Variants in THRB observed in about 807,000 individuals in gnomAD.
THRB encodes the protein nuclear receptor subfamily 1 group A member 2.
In THRB, 12 loss-of-function variants were observed where a neutral mutation model predicts 47.8. The ratio of observed to expected loss-of-function variants is 0.25; its 90% CI spans 0.16 to 0.41. The LOEUF is 0.41. Among genes scored for constraint, THRB ranks in the 10% least tolerant of loss-of-function variants. THRB has a pLI of 1.00. For missense variants in THRB, 348 were observed against 589.2 expected, an observed-to-expected ratio of 0.59 and a Z score of 4.24; for synonymous variants, 218 against 212.2, an observed-to-expected ratio of 1.03 and a Z score of -0.24.
At chr3:24,272,748 C>G (rs1576452177) in intron 3 of THRB, among the ~76,000 whole-genome samples, 1 of 152,120 alleles carries the variant, frequency 6.6e-6, no homozygotes, top group Non-Finnish European at 1.5e-5. Context: ...GCTGTAGTCA[C>G]TTTTGTTGTG....
intron 5 of THRB, among the ~76,000 whole-genome samples, chr3:24,174,677 T>C (rs575393763): frequency 6.6e-6 from 1 of 152,358 alleles, no homozygotes; most frequent in Admixed American, 6.5e-5. Flanking sequence ...TGCTGGCCAT[T>C]TGCAGTTTTG....
At chr3:24,124,151 C>T (rs149405012) in intron 10 of THRB, among the ~76,000 whole-genome samples, 362 of 152,260 alleles carry the variant, frequency 2.4e-3, no homozygotes, top group African/African-American at 7.4e-3. Context: ...CAATAGGAAT[C>T]GAAACAGGGT....
intron 1 of THRB, among the ~76,000 whole-genome samples, chr3:24,441,481 T>C (rs2071518246): frequency 6.6e-6 from 1 of 152,186 alleles, no homozygotes; most frequent in Non-Finnish European, 1.5e-5. Context: ...CTGAAAGCAA[T>C]GGAGGCACAT....
intron 1 of THRB, among the ~76,000 whole-genome samples, chr3:24,439,411 C>T (rs1027038190): frequency 2.0e-5 from 3 of 152,128 alleles, no homozygotes; most frequent in Non-Finnish European, 2.9e-5. Context: ...CGCCCTCTCA[C>T]GAGAACTATG....
intron 1 of THRB, chr3:24,486,321 A>G (rs1398039533): frequency 1.3e-5 from 2 of 152,232 alleles, no homozygotes; most frequent in Admixed American, 6.5e-5. Flanking sequence ...CCTCCTGTAG[A>G]TTGCCCCAGA....
At chr3:24,249,726 T>C (rs1317559550) in intron 3 of THRB, among the ~76,000 whole-genome samples, 2 of 147,660 alleles carry the variant, frequency 1.4e-5, no homozygotes, top group Non-Finnish European at 2.9e-5. Context: ...TGAAAGAATA[T>C]AGAACTCAAC....
intron 1 of THRB, among the ~76,000 whole-genome samples, chr3:24,453,994 G>A (rs762474612): frequency 6.6e-5 from 10 of 151,968 alleles, no homozygotes; most frequent in Admixed American, 1.3e-4. Context: ...CTTAGCACCC[G>A]CTCTCTACTT....
At chr3:24,457,133 C>T (rs532661864) in intron 1 of THRB, among the ~76,000 whole-genome samples, 3 of 152,188 alleles carry the variant, frequency 2.0e-5, no homozygotes, top group East Asian at 1.9e-4. Context: ...AGATTTCACA[C>T]AAAAATGAAG....
chr3:24,236,301 G>C (rs1298444304), intron 3 of THRB, among the ~76,000 whole-genome samples: 1 of 152,142 alleles, frequency 6.6e-6, no homozygotes, highest in Non-Finnish European at 1.5e-5. Flanking sequence ...GGGGATCATG[G>C]ACAAGTTCCT....
At chr3:24,138,596 T>A (rs2035009134) in intron 8 of THRB, among the ~76,000 whole-genome samples, 1 of 152,206 alleles carries the variant, frequency 6.6e-6, no homozygotes, top group Non-Finnish European at 1.5e-5. Context: ...ACCTTGGCTG[T>A]CTGGTTCCAA....
intron 1 of THRB, among the ~76,000 whole-genome samples, chr3:24,394,929 G>C (rs1271921416): frequency 6.6e-6 from 1 of 152,100 alleles, no homozygotes; most frequent in East Asian, 1.9e-4. Flanking sequence ...CCAGTGTATA[G>C]ACACTCTGGC....
intron 4 of THRB, among the ~76,000 whole-genome samples, chr3:24,210,602 C>G (rs1312828954): frequency 1.3e-5 from 2 of 152,172 alleles, no homozygotes; most frequent in African/African-American, 2.4e-5. Flanking sequence ...AGTGCTGAGA[C>G]TGAGAAACTG....
intron 4 of THRB, among the ~76,000 whole-genome samples, chr3:24,224,487 C>T (rs2047459583): frequency 6.6e-6 from 1 of 152,034 alleles, no homozygotes; most frequent in Non-Finnish European, 1.5e-5. Context: ...AGCCATTCTA[C>T]GTAGGTTGTA....
chr3:24,494,351 A>C (rs1698684824), intron 1 of THRB: 1 of 152,276 alleles, frequency 6.6e-6, no homozygotes, highest in African/African-American at 2.4e-5. Flanking sequence ...TGAGGAACAG[A>C]GCCGCTGCGA....
chr3:24,406,370 G>A (rs2067828262), intron 1 of THRB, among the ~76,000 whole-genome samples: 1 of 151,432 alleles, frequency 6.6e-6, no homozygotes, highest in Non-Finnish European at 1.5e-5. Context: ...AAGTACTTTG[G>A]TCACCTATAA....
At chr3:24,325,070 G>C (rs1374259216) in intron 2 of THRB, among the ~76,000 whole-genome samples, 5 of 152,150 alleles carry the variant, frequency 3.3e-5, no homozygotes. Flanking sequence ...CTTGCTTTTG[G>C]CTGTCTGTCT....
At chr3:24,177,808 A>C (rs1356454422) in intron 5 of THRB, among the ~76,000 whole-genome samples, 1 of 152,248 alleles carries the variant, frequency 6.6e-6, no homozygotes, top group Non-Finnish European at 1.5e-5. Context: ...AGAAAGTTAC[A>C]CAATAAATAT....
intron 2 of THRB, among the ~76,000 whole-genome samples, chr3:24,300,190 A>T (rs1484827457): frequency 1.3e-5 from 2 of 152,154 alleles, no homozygotes; most frequent in Non-Finnish European, 2.9e-5. Flanking sequence ...GTGGCTGGTT[A>T]CACGTGACTT....
intron 4 of THRB, among the ~76,000 whole-genome samples, chr3:24,200,787 G>A (rs1034661540): frequency 1.3e-5 from 2 of 152,196 alleles, no homozygotes; most frequent in Non-Finnish European, 2.9e-5. Flanking sequence ...CACTGCCACA[G>A]CATGCACAGC....
Sources: gnomAD v4.1 joint callset for allele counts (sites outside exome capture counted in the v4.1 genomes callset) on GRCh38, gnomAD v4.1.1 for gene constraint, MANE v1.5 for transcripts, NCBI Gene and HGNC (gene_info 2026-07-23, HGNC 2026-07-21) for gene names.